PCDHGB2: variants seen among roughly 807,000 people sequenced by gnomAD.
PCDHGB2 encodes the protein protocadherin gamma subfamily B, 2.
Under a neutral mutation model 59.3 loss-of-function variants are expected in PCDHGB2, and 55 were observed. The ratio of observed to expected loss-of-function variants is 0.93; its 90% confidence interval spans 0.75 to 1.16. The LOEUF (loss-of-function observed/expected upper bound fraction) is 1.16, where lower values mean the gene tolerates loss of function less well. PCDHGB2 is among the 50% of genes most tolerant of loss of function. The pLI, the probability that PCDHGB2 is intolerant of heterozygous loss-of-function variation, is 0.00. For synonymous variants in PCDHGB2, 516 were observed against 512.0 expected, an observed-to-expected ratio of 1.01 and a Z score of -0.11; for missense variants, 1,228 against 1,198.5, an observed-to-expected ratio of 1.02 and a Z score of -0.36.
Position 141,432,837 on chromosome 5 carries a change from T to C in PCDHGB2, c.2422-61970T>C. On this transcript the variant is annotated intron_variant, in intron 1 of 3. Transcript: ENST00000522605. This position sits in a 1 kb window ranked among gnomAD's most constrained non-coding sequence, Gnocchi z 6.0. ...GAAACCTCAGACCTCACTCTGTACC[T>C]GGTGGTAGCGGTGGCCGCGGTCTCC... The C allele has an allele frequency of 6.2e-7, 1 of 1,614,180 alleles. No individual in the cohort carries two copies. Among genetic ancestry groups the C allele is most frequent in the Non-Finnish European group, 8.5e-7 (1 of 1,180,004 alleles).
chr5:141,364,326 A>G, intron 1 of PCDHGB2: 1 of 1,528,198 alleles, frequency 6.5e-7, no homozygotes, highest in Non-Finnish European at 8.8e-7. Context: ...GGCAGAGAGA[A>G]GGCAATGGCG....
intron 1 of PCDHGB2, among the ~76,000 whole-genome samples, chr5:141,420,650 A>G (rs2096512866): frequency 6.6e-6 from 1 of 152,244 alleles, no homozygotes; most frequent in Non-Finnish European, 1.5e-5. Context: ...TGTAAGAATT[A>G]TAGTTAGGCA....
intron 1 of PCDHGB2, chr5:141,372,498 C>A: frequency 6.2e-7 from 1 of 1,614,054 alleles, no homozygotes; most frequent in Admixed American, 1.7e-5. Context: ...GATCTCAGTG[C>A]TCTTCCTCCT....
At chr5:141,387,594 C>T in intron 1 of PCDHGB2, 1 of 528,418 alleles carries the variant, frequency 1.9e-6, no homozygotes, top group East Asian at 3.1e-5. Context: ...TAACTTGAAG[C>T]AGCAGAGGCT....
intron 1 of PCDHGB2, chr5:141,393,455 C>T (rs1007871650): frequency 2.1e-5 from 34 of 1,613,942 alleles, no homozygotes; most frequent in Non-Finnish European, 2.9e-5. Flanking sequence ...TCCTCACGGC[C>T]TCGGATGGCG....
intron 1 of PCDHGB2, among the ~76,000 whole-genome samples, chr5:141,473,915 A>G (rs1366378437): frequency 3.3e-5 from 5 of 152,162 alleles, no homozygotes; most frequent in Non-Finnish European, 5.9e-5. Flanking sequence ...GTCTTAAGAA[A>G]ACTATGAGCT....
Position 141,360,235 on chromosome 5 carries a change from C to G in PCDHGB2, c.100C>G (p.Arg34Gly). 6.2e-7 allele frequency: 1 copy of G among 1,613,896 alleles called. No individual in the cohort carries two copies. Among genetic ancestry groups the G allele is most frequent in the Non-Finnish European group, 8.5e-7 (1 of 1,179,838 alleles). Residue 34 changes from arginine (R) to glycine (G), a missense_variant, in exon 1 of 4, where the codon CGC becomes GGC. This residue lies in a region of PCDHGB2 where 781 missense variants were observed against 721.6 expected (regional missense o/e 1.08). Transcript: ENST00000522605. Reference sequence around the variant, plus strand: ...CCCCGGGGCTCTCCCAGTCCAGATCCGCTATTCAATTCCAGAGGAGCTGGC... The same window carrying G: ...CCCCGGGGCTCTCCCAGTCCAGATCGGCTATTCAATTCCAGAGGAGCTGGC... The part of the protein sequence containing the change: ...LFPGALPVQI[R>G]YSIPEELAKN...
At chr5:141,391,305 T>G (rs2092341171) in intron 1 of PCDHGB2, 1 of 151,546 alleles carries the variant, frequency 6.6e-6, no homozygotes, top group Non-Finnish European at 1.5e-5. Context: ...GTCTTTCGAT[T>G]CTTTTTTTTT....
chr5:141,431,090 G>C lies in PCDHGB2; in HGVS notation c.2422-63717G>C. On this transcript the variant is annotated intron_variant, in intron 1 of 3. Transcript: ENST00000522605. The surrounding 1 kb of genome is among the most constrained non-coding windows in gnomAD (Gnocchi z 4.8). ...TCAATTAAATCTAGACATTCTGATG[G>C]AGGATAAAGTGAAAATATATGGAGT... is the stretch of plus-strand genomic sequence containing the variant. 6.2e-7 allele frequency: 1 copy of C among 1,614,246 alleles called. No homozygotes were observed. The highest frequency in any genetic ancestry group is 8.5e-7 in the Non-Finnish European group (1 of 1,180,032).
At position 141,432,579 on chromosome 5, in the gene PCDHGB2, G is replaced by A. The variant is rs769224543; in HGVS notation, c.2422-62228G>A. 6.2e-7 allele frequency: 1 copy of A among 1,613,860 alleles called. No homozygotes were observed. Among genetic ancestry groups the A allele is most frequent in the Non-Finnish European group, 8.5e-7 (1 of 1,179,984 alleles). On this transcript the variant is annotated intron_variant, in intron 1 of 3. Transcript: ENST00000522605. The surrounding 1 kb of genome is among the most constrained non-coding windows in gnomAD (Gnocchi z 6.0). ...GGCCAGAACGCCTGGCTGTCCTACC[G>A]TCTGCTCAAGGCCAGCGAGCCGGGA...
In PCDHGB2 at chr5:141,382,776, A is replaced by G. The variant is rs572614689; in HGVS notation, c.2421+20220A>G. 9.9e-6 allele frequency: 8 copies of G among 809,846 alleles called. No individual in the cohort carries two copies. The Admixed American group carries it at 2.0e-4, about 21-fold the overall frequency. 50.2% of individuals were successfully genotyped at this position (809,846 alleles called of 1,614,324 possible). The stretch of plus-strand genomic sequence containing the variant: ...TAAGCCCTCTTCCAGGCTGCACTAA[A>G]CTCAAGCCTCTATCCTGCTGGATTC... On this transcript the variant is annotated intron_variant, in intron 1 of 3. Transcript: ENST00000522605.
At chr5:141,421,662 G>A (rs2096591243) in intron 1 of PCDHGB2, 3 of 1,613,844 alleles carry the variant, frequency 1.9e-6, no homozygotes, top group South Asian at 1.1e-5. Context: ...AAGTCAGTGA[G>A]CACGCAATTC....
chr5:141,437,728 A>T (rs1236819934), intron 1 of PCDHGB2, among the ~76,000 whole-genome samples: 1 of 150,908 alleles, frequency 6.6e-6, no homozygotes, highest in Non-Finnish European at 1.5e-5. Context: ...CTAATGTTAC[A>T]CTTTGAGTTC....
At chr5:141,422,041 G>T in intron 1 of PCDHGB2, 3 of 1,611,632 alleles carry the variant, frequency 1.9e-6, no homozygotes, top group South Asian at 1.1e-5. Context: ...GGATCCAGAC[G>T]AGGGAATCAA....
intron 1 of PCDHGB2, chr5:141,492,046 AC>A (rs955983612): frequency 2.0e-6 from 1 of 494,316 alleles, no homozygotes; most frequent in African/African-American, 2.0e-5. Context: ...TCACAGATCC[AC>A]CCCTGCAGCC....
At chr5:141,400,007 C>T (rs907315450) in intron 1 of PCDHGB2, 30 of 1,612,624 alleles carry the variant, frequency 1.9e-5, no homozygotes, top group Non-Finnish European at 2.5e-5. Flanking sequence ...ACAGCGCGTG[C>T]CTTGGGCGAC....
intron 1 of PCDHGB2, chr5:141,389,406 G>A (rs1235613335): frequency 1.9e-6 from 3 of 1,613,632 alleles, no homozygotes; most frequent in South Asian, 2.2e-5. Flanking sequence ...CATAAGCGCG[G>A]AGAGCGGGGT....
At position 141,420,872 on chromosome 5, in the gene PCDHGB2, G is replaced by A. The variant is rs575322685; in HGVS notation, c.2421+58316G>A. 3.3e-5 allele frequency among the ~76,000 whole-genome samples: 5 copies of A among 152,328 alleles called. No homozygotes were observed. The East Asian group carries it at 7.7e-4, about 24-fold the overall frequency. On this transcript the variant is annotated intron_variant, in intron 1 of 3. Coordinates refer to ENST00000522605, the MANE Select transcript of PCDHGB2 (RefSeq NM_018923.3). ...AAAGTTTTAACGTCACATAATGTAA[G>A]TATTGTGTATCATCGTTTTTAAGCT...
chr5:141,485,134 C>T lies in PCDHGB2; in HGVS notation c.2422-9673C>T. The T allele has an allele frequency of 6.7e-7, 1 of 1,495,958 alleles. No homozygotes were observed. The highest frequency in any genetic ancestry group is 1.4e-5 in the African/African-American group (1 of 72,714). 92.7% of individuals were successfully genotyped at this position (1,495,958 alleles called of 1,614,324 possible). On this transcript the variant is annotated intron_variant, in intron 1 of 3. Transcript: ENST00000522605. The surrounding 1 kb of genome is among the most constrained non-coding windows in gnomAD (Gnocchi z 5.7). Reference sequence around the variant, plus strand: ...CTGTTTGGGGCGGGTCGGCTTCATCCGCGTCTCAGGAGCAAGTAGAGAATT... The same window carrying T: ...CTGTTTGGGGCGGGTCGGCTTCATCTGCGTCTCAGGAGCAAGTAGAGAATT...
Sources: allele counts gnomAD v4.1 joint callset (sites outside exome capture counted in the v4.1 genomes callset), GRCh38; gene constraint gnomAD v4.1.1; regional missense constraint gnomAD v4.1.1; non-coding constraint Gnocchi (gnomAD v3.1); transcripts MANE v1.5; gene names NCBI Gene and HGNC (gene_info 2026-07-23, HGNC 2026-07-21).